The following WFS1 variants were observed in gnomAD, a reference collection of about 807,000 sequenced individuals.
WFS1 encodes the protein wolframin.
WFS1 carries 90 observed loss-of-function variants against 68.5 expected under a neutral mutation model. The observed-to-expected ratio is 1.31, with a 90% CI of 1.11 to 1.56. The LOEUF is 1.56. Ranked by LOEUF, WFS1 falls within the 40% of genes most tolerant of loss-of-function variation. The probability of loss-of-function intolerance (pLI) is 0.00; values close to 1 mark genes in which losing one functional copy is unlikely to be tolerated. For synonymous variants in WFS1, 860 were observed against 540.7 expected (o/e 1.59, Z -8.19); for missense variants, 1,767 against 1,232.6 (o/e 1.43, Z -6.49).
chr4:6,302,138 G>A lies in WFS1; in HGVS notation c.2343G>A (p.Met781Ile), dbSNP rs760705276. The change falls in exon 8 of 8, where the codon ATG (methionine) becomes ATA (isoleucine). Residue 781 changes from methionine (M) to isoleucine (I), a missense_variant. Coordinates refer to ENST00000226760, the MANE Select transcript of WFS1 (RefSeq NM_006005.3). ...ACAAGTTTGAGATTACCGTGGGCATGCCATTCAGCAGCGGCGCTGACGGCT... is the reference window on the plus strand; with the variant it reads ...ACAAGTTTGAGATTACCGTGGGCATACCATTCAGCAGCGGCGCTGACGGCT... Reference protein sequence around the residue: ...DRYKFEITVGMPFSSGADGSR... With the variant: ...DRYKFEITVGIPFSSGADGSR... The A allele has an allele frequency of 1.2e-6, 2 of 1,612,884 alleles. No homozygotes were observed. The highest frequency in any genetic ancestry group is 2.7e-5 in the African/African-American group (2 of 74,952).
intron 1 of WFS1, among the ~76,000 whole-genome samples, chr4:6,270,838 G>A (rs1729817307): frequency 6.6e-6 from 1 of 152,196 alleles, no homozygotes; most frequent in Non-Finnish European, 1.5e-5. Context: ...GCCTTAGGCG[G>A]AGAAGTTATA....
At chr4:6,297,016 T>G (rs1289773122) in intron 7 of WFS1, among the ~76,000 whole-genome samples, 2 of 152,124 alleles carry the variant, frequency 1.3e-5, no homozygotes, top group African/African-American at 4.8e-5. Flanking sequence ...TTTGTAGCGA[T>G]GGGGGTCTCA....
chr4:6,285,360 A>C (rs1402817008), intron 2 of WFS1, among the ~76,000 whole-genome samples: 1 of 146,772 alleles, frequency 6.8e-6, no homozygotes, highest in Admixed American at 6.8e-5. Context: ...GTCCAGGGAA[A>C]GCAGCATCAA....
At chr4:6,278,698 T>A (rs1650166769) in intron 2 of WFS1, among the ~76,000 whole-genome samples, 2 of 152,170 alleles carry the variant, frequency 1.3e-5, no homozygotes, top group Admixed American at 1.3e-4. Context: ...GCGCTGAGGC[T>A]CCCATGTACC....
intron 1 of WFS1, among the ~76,000 whole-genome samples, chr4:6,272,547 C>A (rs531374137): frequency 2.4e-4 from 36 of 152,356 alleles, no homozygotes; most frequent in African/African-American, 8.2e-4. Context: ...CAGGCCAGAG[C>A]AGACATCCCA....
chr4:6,298,479 GTTTA>G (rs1730708402), intron 7 of WFS1, among the ~76,000 whole-genome samples: 1 of 149,492 alleles, frequency 6.7e-6, no homozygotes, highest in South Asian at 2.1e-4. Flanking sequence ...TGCTTTAATC[GTTTA>G]TTTGCTTGTT....
chr4:6,271,929 C>T (rs1191384419), intron 1 of WFS1, among the ~76,000 whole-genome samples: 1 of 152,230 alleles, frequency 6.6e-6, no homozygotes, highest in Admixed American at 6.5e-5. Context: ...CAGCAGTCAC[C>T]TCCCAGCCAC....
At position 6,299,830 on chromosome 4, in the gene WFS1, A is replaced by ATGTG. The variant is rs541277997; in HGVS notation, c.862-825_862-822dup. 5.5e-3 allele frequency among the ~76,000 whole-genome samples: 355 copies of ATGTG among 64,202 alleles called. 5 individuals carry two copies. Among genetic ancestry groups the ATGTG allele is most frequent in the African/African-American group, 0.021 (343 of 16,392 alleles). The allele number at this position is 64,202 out of a possible 152,430, so 42.1% of individuals were successfully genotyped here. A position where few individuals can be genotyped will look rare whatever the true frequency, so the allele number is the denominator to read the frequency against. On this transcript the variant is annotated intron_variant, in intron 7 of 7. Transcript: ENST00000226760. ...ATGCGGGTAGGTTGCGTGTGTGTGA[A>ATGTG]TGTGTATAGGGGTGGGTTGTGTGAA...
chr4:6,300,102 C>T (rs1259029432), intron 7 of WFS1, among the ~76,000 whole-genome samples: 3 of 152,094 alleles, frequency 2.0e-5, no homozygotes, highest in African/African-American at 4.8e-5. Context: ...GCTGGGCCCT[C>T]TGCCTGTGTC....
In WFS1 at chr4:6,302,479, C is replaced by G. The variant is rs919707549; in HGVS notation, c.*11C>G. On this transcript the variant is annotated 3_prime_UTR_variant, in exon 8 of 8. Coordinates refer to ENST00000226760, the MANE Select transcript of WFS1 (RefSeq NM_006005.3). ...CTGTCGGCGGCCTGAGGATGGTCCG[C>G]CACGAGGAGCTTCCAGTGCATGTTG... 4.3e-6 allele frequency: 7 copies of G among 1,612,062 alleles called. No individual in the cohort carries two copies. Among genetic ancestry groups the G allele is most frequent in the Non-Finnish European group, 5.9e-6 (7 of 1,180,034 alleles).
At position 6,283,554 on chromosome 4, in the gene WFS1, T is replaced by C. The variant is rs1174329303; in HGVS notation, c.233-3539T>C. On this transcript the variant is annotated intron_variant, in intron 2 of 7. Transcript: ENST00000226760. This position sits in a 1 kb window ranked among gnomAD's most constrained non-coding sequence, Gnocchi z 5.0. ...CCTGTGCTGCCTGTGTCTCAGGGGCTCTGCCCACAGGGTGACCTTCCACAG... is the reference window on the plus strand; with the variant it reads ...CCTGTGCTGCCTGTGTCTCAGGGGCCCTGCCCACAGGGTGACCTTCCACAG... Among the ~76,000 whole-genome samples the C allele has an allele frequency of 6.6e-6, 1 of 152,200 alleles. No homozygotes were observed. Among genetic ancestry groups the C allele is most frequent in the Admixed American group, 6.5e-5 (1 of 15,272 alleles).
intron 2 of WFS1, among the ~76,000 whole-genome samples, chr4:6,284,224 T>G (rs1730245394): frequency 6.6e-6 from 1 of 151,968 alleles, no homozygotes; most frequent in African/African-American, 2.4e-5. Flanking sequence ...ACAAAAAAAC[T>G]TAGCTGGGCA....
rs1372603311 is a variant in WFS1 at position 6,283,861 on chromosome 4, C to T, written c.233-3232C>T. Among the ~76,000 whole-genome samples the T allele has an allele frequency of 6.6e-6, 1 of 151,884 alleles. No homozygotes were observed. Among genetic ancestry groups the T allele is most frequent in the Non-Finnish European group, 1.5e-5 (1 of 67,984 alleles). ...AAAAGCAAGGAACGGAGGTCGAGCA[C>T]ACAGAAAACACGTGTGTTTGATGGT... is the stretch of plus-strand genomic sequence containing the variant. On this transcript the variant is annotated intron_variant, in intron 2 of 7. Coordinates refer to ENST00000226760, the MANE Select transcript of WFS1 (RefSeq NM_006005.3). The surrounding 1 kb of genome is among the most constrained non-coding windows in gnomAD (Gnocchi z 5.0).
At position 6,301,975 on chromosome 4, in the gene WFS1, T is replaced by G; in HGVS notation, c.2180T>G (p.Ile727Ser). The change falls in exon 8 of 8, where the codon ATC becomes AGC. Residue 727 changes from isoleucine (I) to serine (S), a missense_variant. Ile to Ser is a moderately radical substitution (Grantham distance 142). Coordinates refer to ENST00000226760, the MANE Select transcript of WFS1 (RefSeq NM_006005.3). ...GCCATCAACATGCTCCCGTTCTTCA[T>G]CGGCGACTGGATGCGCTGCCTCTAC... ...ESAINMLPFF[I>S]GDWMRCLYGE... The G allele has an allele frequency of 6.2e-7, 1 of 1,612,798 alleles. No individual in the cohort carries two copies. The highest frequency in any genetic ancestry group is 8.5e-7 in the Non-Finnish European group (1 of 1,179,940).
At chr4:6,298,290 C>T (rs1264957745) in intron 7 of WFS1, among the ~76,000 whole-genome samples, 1 of 152,178 alleles carries the variant, frequency 6.6e-6, no homozygotes, top group African/African-American at 2.4e-5. Flanking sequence ...GGGCTTGCCC[C>T]AAACAAACCC....
chr4:6,288,878 T>G, intron 3 of WFS1, 109 bp from the exon 4 acceptor site: 1 of 1,516,772 alleles, frequency 6.6e-7, no homozygotes, highest in Non-Finnish European at 9.0e-7. Flanking sequence ...GCCCCTTCCT[T>G]CCTGGCCTGG....
chr4:6,282,998 C>T (rs1730209583), intron 2 of WFS1, among the ~76,000 whole-genome samples: 1 of 152,200 alleles, frequency 6.6e-6, no homozygotes, highest in Non-Finnish European at 1.5e-5. Flanking sequence ...GTGAGACCCA[C>T]GGACATAGAT....
intron 2 of WFS1, among the ~76,000 whole-genome samples, chr4:6,278,077 C>T (rs1171519944): frequency 1.3e-5 from 2 of 152,262 alleles, no homozygotes; most frequent in Non-Finnish European, 2.9e-5. Context: ...CACATGCGGG[C>T]GAAGCCCTTG....
intron 1 of WFS1, among the ~76,000 whole-genome samples, chr4:6,274,399 G>T (rs4996963): frequency 4.0e-5 from 6 of 151,584 alleles, no homozygotes; most frequent in African/African-American, 7.3e-5. Context: ...TGCCACACAC[G>T]TAATCCCCAT....
Sources: gnomAD v4.1 joint callset for allele counts (sites outside exome capture counted in the v4.1 genomes callset) on GRCh38, gnomAD v4.1.1 for gene constraint, Gnocchi (gnomAD v3.1) non-coding constraint, MANE v1.5 for transcripts, NCBI Gene and HGNC (gene_info 2026-07-23, HGNC 2026-07-21) for gene names.